ADNP: variants seen among roughly 807,000 people sequenced by gnomAD.
ADNP encodes activity dependent neuroprotector homeobox, also known as activity-dependent neuroprotector homeobox protein.
A neutral mutation model predicts 84.9 loss-of-function variants in ADNP; 4 were observed. The ratio of observed to expected loss-of-function variants is 0.05; its 90% CI spans 0.02 to 0.11. The LOEUF (loss-of-function observed/expected upper bound fraction) is 0.11. Ranked by LOEUF, ADNP falls within the 10% of genes least tolerant of loss-of-function variation. The probability of loss-of-function intolerance (pLI) is 1.00; values close to 1 mark genes in which losing one functional copy is unlikely to be tolerated. For synonymous variants in ADNP, 554 were observed against 468.1 expected (o/e 1.18, Z -2.37); for missense variants, 1,132 against 1,326.0 (o/e 0.85, Z 2.27).
intron 2 of ADNP, among the ~76,000 whole-genome samples, chr20:50,906,234 A>G (rs1296031061): frequency 6.6e-6 from 1 of 152,060 alleles, no homozygotes; most frequent in Non-Finnish European, 1.5e-5. Context: ...AAAAACACAT[A>G]CAGTTACTAC....
chr20:50,892,103 C>G lies in ADNP; in HGVS notation c.2611G>C (p.Glu871Gln). 1 of 1,614,152 alleles carries G rather than the reference C, an allele frequency of 6.2e-7. No individual in the cohort carries two copies. Among genetic ancestry groups the G allele is most frequent in the Middle Eastern group, 1.6e-4 (1 of 6,062 alleles). Residue 871 changes from glutamate (E) to glutamine (Q), a missense_variant, in exon 6 of 6, where the codon GAA becomes CAA. This residue lies in a region of ADNP where 381 missense variants were observed against 319.9 expected (regional missense o/e 1.19). Coordinates refer to ENST00000621696, the MANE Select transcript of ADNP (RefSeq NM_001282531.3). ...AAACTGTCTGAGGAACTGTCATCTT[C>G]CTTCCCAAGGTTGAGCTTTTTGTCA... ...TADKKLNLGK[E>Q]DDSSSDSFEN...
At chr20:50,894,564 AAC>A (rs767079443) in intron 5 of ADNP, 52 bp from the exon 6 acceptor site, 1 of 1,523,366 alleles carries the variant, frequency 6.6e-7, no homozygotes, top group Admixed American at 2.2e-5. Context: ...ATAGGCAGTT[AAC>A]AGATTCCAGA....
intron 5 of ADNP, among the ~76,000 whole-genome samples, 158 bp downstream of exon 5, chr20:50,901,859 T>TAAGAC: frequency 6.6e-6 from 1 of 152,246 alleles, no homozygotes; most frequent in African/African-American, 2.4e-5. Context: ...AAAGTTTTTC[T>TAAGAC]TAGTCTTCCC....
chr20:50,914,959 T>C (rs559396220), intron 2 of ADNP, among the ~76,000 whole-genome samples: 9 of 150,508 alleles, frequency 6.0e-5, no homozygotes, highest in African/African-American at 7.5e-5. Flanking sequence ...GAAAAACAAC[T>C]TCCCATGTAC....
chr20:50,914,330 A>G (rs1463527773), intron 2 of ADNP: 6 of 675,900 alleles, frequency 8.9e-6, no homozygotes, highest in Non-Finnish European at 1.6e-5. Context: ...GAGAATAAAG[A>G]AGAAAAGAAA....
Position 50,894,584 on chromosome 20 carries a change from C to T in ADNP, c.202-72G>A, listed in dbSNP as rs1981190335. On this transcript the variant is annotated intron_variant, in intron 5 of 5. Transcript: ENST00000621696. ...CAGTTAACAGATTCCAGATCCCCCC[C>T]GGATATTCTTAATAATGCATTGATT... is the stretch of plus-strand genomic sequence containing the variant. 11 of 1,473,676 alleles carry T rather than the reference C, an allele frequency of 7.5e-6. 1 individual carries two copies. The South Asian group carries it at 9.6e-5, about 13-fold the overall frequency. The allele number at this position is 1,473,676 out of a possible 1,614,324, so 91.3% of individuals were successfully genotyped here.
intron 2 of ADNP, among the ~76,000 whole-genome samples, chr20:50,923,051 G>T (rs950474744): frequency 1.3e-5 from 2 of 152,070 alleles, no homozygotes; most frequent in Non-Finnish European, 2.9e-5. Flanking sequence ...GAAGATCAGA[G>T]ATTATTTTCT....
intron 5 of ADNP, among the ~76,000 whole-genome samples, chr20:50,900,740 C>T (rs971289327): frequency 1.3e-5 from 2 of 152,176 alleles, no homozygotes; most frequent in African/African-American, 4.8e-5. Context: ...TTCCTTTCCT[C>T]ATTATGGATA....
intron 2 of ADNP, among the ~76,000 whole-genome samples, chr20:50,921,373 C>T (rs1983946713): frequency 6.6e-6 from 1 of 152,196 alleles, no homozygotes; most frequent in African/African-American, 2.4e-5. Context: ...CTCAGTGACA[C>T]TTAAAATATT....
intron 2 of ADNP, among the ~76,000 whole-genome samples, chr20:50,920,655 A>G (rs1983899758): frequency 6.6e-6 from 1 of 152,138 alleles, no homozygotes; most frequent in Non-Finnish European, 1.5e-5. Context: ...CACCCATGCC[A>G]CATCTTCTCA....
intron 2 of ADNP, among the ~76,000 whole-genome samples, chr20:50,928,398 T>C (rs1204433662): frequency 6.6e-6 from 1 of 152,208 alleles, no homozygotes; most frequent in Non-Finnish European, 1.5e-5. Context: ...ACTTATACTT[T>C]ATACAAAGGG....
At position 50,890,131 on chromosome 20, in the gene ADNP, TAAAAAAAAAAAAAAAAA is replaced by T. The variant is rs150489825; in HGVS notation, c.*1257_*1273del. The stretch of plus-strand genomic sequence containing the variant: ...AACTCAAGGGTGTTTGTTTTTCAGT[TAAAAAAAAAAAAAAAAA>T]AAAAAAAAAAAAAGAAAAACAGATT... On this transcript the variant is annotated 3_prime_UTR_variant, in exon 6 of 6. Coordinates refer to ENST00000621696, the MANE Select transcript of ADNP (RefSeq NM_001282531.3). 16 of 81,190 alleles carry T rather than the reference TAAAAAAAAAAAAAAAAA, an allele frequency of 2.0e-4. No individual in the cohort carries two copies. The highest frequency in any genetic ancestry group is 0.011 in the Middle Eastern group (2 of 180). The allele number at this position is 81,190 out of a possible 1,614,324, so 5.0% of individuals were successfully genotyped here.
At chr20:50,917,707 A>T (rs75413119) in intron 2 of ADNP, among the ~76,000 whole-genome samples, 5,430 of 152,254 alleles carry the variant, frequency 0.036, 219 homozygotes, top group African/African-American at 0.085. Flanking sequence ...AAAAGTCCAA[A>T]AAGTTACATA....
chr20:50,913,914 G>C, intron 2 of ADNP: 2 of 652,756 alleles, frequency 3.1e-6, no homozygotes, highest in South Asian at 3.3e-5. Flanking sequence ...TCAACTTGGA[G>C]TGCCAGTGAA....
At chr20:50,907,995 T>C (rs926410159) in intron 2 of ADNP, among the ~76,000 whole-genome samples, 10 of 152,194 alleles carry the variant, frequency 6.6e-5, no homozygotes, top group Admixed American at 1.3e-4. Context: ...CCTAATAACC[T>C]TGGAAATTCC....
At chr20:50,894,770 G>A (rs534895841) in intron 5 of ADNP, among the ~76,000 whole-genome samples, 1 of 152,182 alleles carries the variant, frequency 6.6e-6, no homozygotes, top group African/African-American at 2.4e-5. Context: ...GGTGGTGGGC[G>A]CCTGTAATCC....
chr20:50,891,420 G>A lies in ADNP; in HGVS notation c.3294C>T (p.Ser1098=). 1 of 1,606,942 alleles carries A rather than the reference G, an allele frequency of 6.2e-7. No homozygotes were observed. ...MHGSLAGVKL[S]SQQA is the part of the protein sequence containing the mutation. Reference sequence around the variant, plus strand: ...AACCTGGCACTTAGGCCTGTTGGCTGCTCAGTTTAACTCCGGCTAAGCTGC... The same window carrying A: ...AACCTGGCACTTAGGCCTGTTGGCTACTCAGTTTAACTCCGGCTAAGCTGC... Residue 1098 remains serine (S), a synonymous_variant, in exon 6 of 6, where the codon AGC becomes AGT. Transcript: ENST00000621696.
At chr20:50,910,692 TTACCCAGGCTG>T (rs1982941582) in intron 2 of ADNP, among the ~76,000 whole-genome samples, 1 of 152,122 alleles carries the variant, frequency 6.6e-6, no homozygotes, top group African/African-American at 2.4e-5. Context: ...TCACTCTGTG[TTACCCAGGCTG>T]GAGTGCAGTG....
rs1980566493 is a variant in ADNP at position 50,890,433 on chromosome 20, AGT to A, written c.*970_*971del. 2 of 152,158 alleles carry A rather than the reference AGT, an allele frequency of 1.3e-5. No homozygotes were observed. Among genetic ancestry groups the A allele is most frequent in the South Asian group, 4.1e-4 (2 of 4,838 alleles). 9.4% of individuals were successfully genotyped at this position (152,158 alleles called of 1,614,324 possible). A position where few individuals can be genotyped will look rare whatever the true frequency, so the allele number is the denominator to read the frequency against. On this transcript the variant is annotated 3_prime_UTR_variant, in exon 6 of 6. Coordinates refer to ENST00000621696, the MANE Select transcript of ADNP (RefSeq NM_001282531.3). ...ATCACAAAATTATACATACTACAAC[AGT>A]GTGTCATATATTAGATGGTATAAAT...
Sources: gnomAD v4.1 joint callset for allele counts (sites outside exome capture counted in the v4.1 genomes callset) on GRCh38, gnomAD v4.1.1 for gene constraint, gnomAD v4.1.1 regional missense constraint, MANE v1.5 for transcripts, NCBI Gene and HGNC (gene_info 2026-07-23, HGNC 2026-07-21) for gene names.